Variants in ARHGEF4 observed in about 807,000 individuals in gnomAD.
The protein encoded by ARHGEF4 is APC-stimulated guanine nucleotide exchange factor 1.
In ARHGEF4, 119 loss-of-function variants were observed where a neutral mutation model predicts 162.0. That is an observed-to-expected ratio of 0.73 (90% confidence interval 0.63 to 0.86). ARHGEF4 has a LOEUF of 0.86. ARHGEF4 is among the 40% of genes least tolerant of loss of function. The probability of loss-of-function intolerance (pLI) is 0.00; values close to 1 mark genes in which losing one functional copy is unlikely to be tolerated. For synonymous variants in ARHGEF4, 1,014 were observed against 979.9 expected, an observed-to-expected ratio of 1.03 and a Z score of -0.65; for missense variants, 2,488 against 2,456.0, an observed-to-expected ratio of 1.01 and a Z score of -0.28.
chr2:130,873,312 G>A (rs758905475), intron 1 of ARHGEF4, among the ~76,000 whole-genome samples: 1 of 152,152 alleles, frequency 6.6e-6, no homozygotes, highest in Non-Finnish European at 1.5e-5. Flanking sequence ...AAAATAGGCC[G>A]GGCACGGTGG....
intron 4 of ARHGEF4, chr2:131,011,677 G>A (rs1558848217): frequency 2.6e-6 from 4 of 1,533,382 alleles, no homozygotes; most frequent in Non-Finnish European, 3.5e-6. Context: ...GCTGATGGGG[G>A]TGGGGTAGAG....
chr2:130,895,215 C>T (rs1163233522), intron 1 of ARHGEF4, among the ~76,000 whole-genome samples: 2 of 152,142 alleles, frequency 1.3e-5, no homozygotes, highest in Non-Finnish European at 2.9e-5. Flanking sequence ...GCTGCTTTCA[C>T]GTAGCACCAT....
At chr2:131,043,784 AC>A in intron 11 of ARHGEF4, 2 of 655,518 alleles carry the variant, frequency 3.1e-6, no homozygotes, top group Non-Finnish European at 5.1e-6. Context: ...TCACAGTCTG[AC>A]CAGGCCGGGT....
intron 1 of ARHGEF4, among the ~76,000 whole-genome samples, chr2:130,900,496 C>T (rs6430410): frequency 0.13 from 19,160 of 152,212 alleles, 2,580 homozygotes; most frequent in African/African-American, 0.34. Flanking sequence ...TCCATTCATT[C>T]AGTTTTGTTT....
At chr2:130,876,509 A>G (rs1479279231) in intron 1 of ARHGEF4, among the ~76,000 whole-genome samples, 1 of 152,096 alleles carries the variant, frequency 6.6e-6, no homozygotes, top group Admixed American at 6.5e-5. Context: ...CTCCTGCCTC[A>G]GCCTCCTGAG....
intron 5 of ARHGEF4, among the ~76,000 whole-genome samples, chr2:131,030,249 T>G (rs563969430): frequency 1.3e-5 from 2 of 151,652 alleles, no homozygotes; most frequent in African/African-American, 4.8e-5. Flanking sequence ...GGTGTTTTTT[T>G]GGGCTCTGAG....
At chr2:130,912,095 T>C (rs1215223763) in intron 1 of ARHGEF4, among the ~76,000 whole-genome samples, 1 of 152,260 alleles carries the variant, frequency 6.6e-6, no homozygotes, top group African/African-American at 2.4e-5. Flanking sequence ...CTGAGCACCC[T>C]GCCCGGCCTT....
intron 1 of ARHGEF4, among the ~76,000 whole-genome samples, chr2:130,873,081 G>A (rs940143496): frequency 1.3e-5 from 2 of 152,348 alleles, no homozygotes; most frequent in Non-Finnish European, 2.9e-5. Flanking sequence ...GTCTCCAGGG[G>A]AATGGGCACA....
chr2:130,849,522 AG>A (rs1323695335), intron 1 of ARHGEF4, among the ~76,000 whole-genome samples: 1 of 151,526 alleles, frequency 6.6e-6, no homozygotes, highest in Non-Finnish European at 1.5e-5. Flanking sequence ...TCAATCTCTA[AG>A]CAGAGGGACC....
chr2:130,969,613 C>G (rs1052708661), intron 4 of ARHGEF4, among the ~76,000 whole-genome samples: 3 of 151,758 alleles, frequency 2.0e-5, no homozygotes, highest in African/African-American at 4.8e-5. Context: ...AAAAAAAAAT[C>G]ATATGTCAAA....
At chr2:130,961,474 T>C (rs1480690695) in intron 4 of ARHGEF4, among the ~76,000 whole-genome samples, 1 of 152,024 alleles carries the variant, frequency 6.6e-6, no homozygotes, top group Admixed American at 6.6e-5. Flanking sequence ...GTGGCGGCTG[T>C]GGCAGAAGTG....
At chr2:130,991,893 A>T (rs1687012595) in intron 4 of ARHGEF4, among the ~76,000 whole-genome samples, 1 of 152,242 alleles carries the variant, frequency 6.6e-6, no homozygotes, top group South Asian at 2.1e-4. Flanking sequence ...CACTGGGTGA[A>T]GCCAGCTGGG....
chr2:130,902,789 T>C (rs1680564631), intron 1 of ARHGEF4, among the ~76,000 whole-genome samples: 1 of 152,184 alleles, frequency 6.6e-6, no homozygotes, highest in African/African-American at 2.4e-5. Flanking sequence ...TCAGTTATCG[T>C]TTATTTGCCC....
chr2:131,002,053 G>C (rs369139219), intron 4 of ARHGEF4, among the ~76,000 whole-genome samples: 1 of 152,200 alleles, frequency 6.6e-6, no homozygotes, highest in East Asian at 1.9e-4. Context: ...GTACTTTTTT[G>C]TATGTTTAGT....
chr2:130,926,048 C>CTTTCTTTCTCTTTCTTTCTTTCTT, intron 2 of ARHGEF4, among the ~76,000 whole-genome samples: 1,002 of 53,246 alleles, frequency 0.019, 9 homozygotes, highest in Non-Finnish European at 0.021. Context: ...TTCTTTCTTT[C>CTTTCTTTCTCTTTCTTTCTTTCTT]TCTTTCTTTC....
chr2:130,871,096 C>G (rs1574130618), intron 1 of ARHGEF4, among the ~76,000 whole-genome samples: 1 of 152,176 alleles, frequency 6.6e-6, no homozygotes, highest in East Asian at 1.9e-4. Context: ...ATGAAAGCCT[C>G]TGGGGGGCAT....
At chr2:130,974,690 G>C (rs892786915) in intron 4 of ARHGEF4, among the ~76,000 whole-genome samples, 6 of 150,934 alleles carry the variant, frequency 4.0e-5, no homozygotes, top group Admixed American at 4.0e-4. Context: ...CCAAGCTCCT[G>C]AGCTCAAGCA....
chr2:130,852,123 G>A (rs919208183), intron 1 of ARHGEF4, among the ~76,000 whole-genome samples: 7 of 152,242 alleles, frequency 4.6e-5, no homozygotes, highest in African/African-American at 1.7e-4. Context: ...TTGGCTGAGC[G>A]CCTGCTCCAC....
chr2:130,947,674 G>T (rs1351014441), intron 4 of ARHGEF4, among the ~76,000 whole-genome samples: 1 of 152,204 alleles, frequency 6.6e-6, no homozygotes, highest in Non-Finnish European at 1.5e-5. Context: ...TAAAAGGCCT[G>T]GCTTTCTGTG....
Sources: gnomAD v4.1 joint callset for allele counts (sites outside exome capture counted in the v4.1 genomes callset) on GRCh38, gnomAD v4.1.1 for gene constraint, MANE v1.5 for transcripts, NCBI Gene and HGNC (gene_info 2026-07-23, HGNC 2026-07-21) for gene names.